Variants in PIK3C2G observed in about 807,000 individuals in gnomAD.
PIK3C2G encodes the protein phosphatidylinositol 3-kinase C2 domain-containing subunit gamma.
In PIK3C2G, 168 loss-of-function variants were observed where a neutral mutation model predicts 181.1. The observed-to-expected ratio is 0.93, with a 90% CI of 0.82 to 1.05. The LOEUF (loss-of-function observed/expected upper bound fraction) is 1.05. PIK3C2G is among the 50% of genes least tolerant of loss of function. The pLI is 0.00. For synonymous variants in PIK3C2G, 573 were observed against 592.2 expected (o/e 0.97, Z 0.47); for missense variants, 1,869 against 1,732.8 (o/e 1.08, Z -1.40).
chr12:18,683,402 G>T, the PIK3C2G span: 4 of 1,503,374 alleles, frequency 2.7e-6, no homozygotes, highest in East Asian at 6.8e-5. Flanking sequence ...TGAGAAACAA[G>T]AGCTCTTTAC....
intron 31 of PIK3C2G, among the ~76,000 whole-genome samples, chr12:18,615,461 T>G (rs948672045): frequency 6.6e-6 from 1 of 151,718 alleles, no homozygotes; most frequent in African/African-American, 2.4e-5. Flanking sequence ...TATATCATTT[T>G]TTTTCACTTG....
chr12:18,478,681 C>T (rs1939243022), intron 18 of PIK3C2G, among the ~76,000 whole-genome samples: 1 of 152,074 alleles, frequency 6.6e-6, no homozygotes, highest in African/African-American at 2.4e-5. Flanking sequence ...ATATTTCACA[C>T]AAAGTTATAT....
intron 18 of PIK3C2G, among the ~76,000 whole-genome samples, chr12:18,454,505 T>C (rs558810598): frequency 6.6e-6 from 1 of 152,236 alleles, no homozygotes; most frequent in East Asian, 1.9e-4. Flanking sequence ...ACGTGAGGTA[T>C]ACACAGGGAA....
chr12:18,263,581 T>G (rs1265154819), intron 1 of PIK3C2G, among the ~76,000 whole-genome samples: 1 of 152,174 alleles, frequency 6.6e-6, no homozygotes, highest in East Asian at 1.9e-4. Context: ...GAATTATTTT[T>G]AAGTATAAAT....
chr12:18,719,037 G>C, the PIK3C2G span, among the ~76,000 whole-genome samples: 1 of 152,150 alleles, frequency 6.6e-6, no homozygotes, highest in East Asian at 1.9e-4. Context: ...TTTAGTTATA[G>C]TATGTGTCCT....
chr12:18,325,049 C>A lies in PIK3C2G; in HGVS notation c.1223C>A (p.Thr408Lys). The A allele has an allele frequency of 1.3e-6, 2 of 1,566,096 alleles. No homozygotes were observed. Among genetic ancestry groups the A allele is most frequent in the Non-Finnish European group, 1.8e-6 (2 of 1,141,166 alleles). The change falls in exon 8 of 33, where the codon ACA (threonine) becomes AAA (lysine). Residue 408 changes from threonine (T) to lysine (K), a missense_variant. Physicochemically the swap from Thr to Lys is moderately conservative, Grantham distance 78 (BLOSUM62 -1). Coordinates refer to ENST00000538779, the MANE Select transcript of PIK3C2G (RefSeq NM_001288772.2). ...IWKVSRQCLL[T>K]LIRKYDFHLK... ...TTATTTTCCAGACAATGTCTCTTAA[C>A]ACTCATCAGAAAATATGACTTCCAC...
At chr12:18,349,551 A>G (rs1940011287) in intron 11 of PIK3C2G, among the ~76,000 whole-genome samples, 1 of 152,162 alleles carries the variant, frequency 6.6e-6, no homozygotes, top group African/African-American at 2.4e-5. Context: ...ACTTAGAATA[A>G]TTTGATTAAA....
At chr12:18,411,302 T>C (rs1222361511) in intron 16 of PIK3C2G, among the ~76,000 whole-genome samples, 1 of 152,194 alleles carries the variant, frequency 6.6e-6, no homozygotes, top group African/African-American at 2.4e-5. Context: ...GATATCTGGA[T>C]GATAGTTTCA....
At chr12:18,701,489 A>G in the PIK3C2G span, 1 of 1,613,890 alleles carries the variant, frequency 6.2e-7, no homozygotes, top group African/African-American at 1.3e-5. Context: ...TTTTCACAAA[A>G]CACCACCTCA....
At chr12:18,364,520 C>T (rs777077955) in intron 12 of PIK3C2G, among the ~76,000 whole-genome samples, 19 of 151,986 alleles carry the variant, frequency 1.3e-4, no homozygotes, top group Non-Finnish European at 2.4e-4. Context: ...TAGTCGACAG[C>T]AGGTAAAGCA....
the PIK3C2G span, chr12:18,712,896 T>C: frequency 6.2e-7 from 1 of 1,613,932 alleles, no homozygotes; most frequent in South Asian, 1.1e-5. Flanking sequence ...GAAGTTTGCT[T>C]GTGAGTGTGT....
downstream of PIK3C2G, chr12:18,648,531 T>C (rs1445080749): frequency 5.8e-6 from 1 of 170,998 alleles, no homozygotes; most frequent in African/African-American, 2.4e-5. Flanking sequence ...TATATTATTT[T>C]CTATCAGAAA....
At chr12:18,321,165 C>A (rs2137462575) in intron 7 of PIK3C2G, 133 bp downstream of exon 7, 1 of 565,046 alleles carries the variant, frequency 1.8e-6, no homozygotes, top group African/African-American at 1.9e-5. Flanking sequence ...TTTTAACAGG[C>A]AAATTCTGTT....
At chr12:18,718,061 G>A in the PIK3C2G span, among the ~76,000 whole-genome samples, 1 of 152,038 alleles carries the variant, frequency 6.6e-6, no homozygotes, top group South Asian at 2.1e-4. Flanking sequence ...GGGTGCTTTG[G>A]GAGTGAGGAT....
At chr12:18,513,804 A>G (rs1162138995) in intron 24 of PIK3C2G, among the ~76,000 whole-genome samples, 5 of 151,784 alleles carry the variant, frequency 3.3e-5, no homozygotes, top group Non-Finnish European at 7.4e-5. Context: ...TTCAAAAAAC[A>G]ACTGTGTGAT....
the PIK3C2G span, among the ~76,000 whole-genome samples, chr12:18,664,562 T>G: frequency 1.3e-5 from 2 of 152,226 alleles, no homozygotes; most frequent in African/African-American, 2.4e-5. Context: ...ATACTTAAAG[T>G]GTTCAAAATC....
intron 16 of PIK3C2G, among the ~76,000 whole-genome samples, chr12:18,419,550 C>T (rs1945361202): frequency 6.6e-6 from 1 of 152,140 alleles, no homozygotes; most frequent in African/African-American, 2.4e-5. Flanking sequence ...ATTTTAATTG[C>T]ACTCTTTCTG....
At chr12:18,664,543 T>G in the PIK3C2G span, among the ~76,000 whole-genome samples, 1 of 152,102 alleles carries the variant, frequency 6.6e-6, no homozygotes, top group South Asian at 2.1e-4. Context: ...ATGATTCTAT[T>G]TATATGAGAT....
chr12:18,531,972 T>C (rs890965285), intron 24 of PIK3C2G, among the ~76,000 whole-genome samples: 1 of 152,204 alleles, frequency 6.6e-6, no homozygotes, highest in African/African-American at 2.4e-5. Flanking sequence ...CCAGAGTGAC[T>C]ATACCACTTC....
Sources: gnomAD v4.1 joint callset for allele counts (sites outside exome capture counted in the v4.1 genomes callset) on GRCh38, gnomAD v4.1.1 for gene constraint, MANE v1.5 for transcripts, NCBI Gene and HGNC (gene_info 2026-07-23, HGNC 2026-07-21) for gene names.